RCAN2: variants seen among roughly 807,000 people sequenced by gnomAD.
RCAN2 encodes the protein calcipressin-2.
In RCAN2, 9 loss-of-function variants were observed where a neutral mutation model predicts 23.6. The observed-to-expected ratio is 0.38, with a 90% confidence interval of 0.23 to 0.67. The LOEUF (loss-of-function observed/expected upper bound fraction) is 0.67, where lower values mean the gene tolerates loss of function less well. RCAN2 is among the 30% of genes least tolerant of loss of function. The pLI, the probability that RCAN2 is intolerant of heterozygous loss-of-function variation, is 0.51. For missense variants in RCAN2, 273 were observed against 302.3 expected (o/e 0.90, Z 0.72); for synonymous variants, 109 against 115.7 (o/e 0.94, Z 0.37).
At chr6:46,485,179 G>GTT (rs1768964969) in intron 1 of RCAN2, among the ~76,000 whole-genome samples, 3 of 152,038 alleles carry the variant, frequency 2.0e-5, no homozygotes, top group African/African-American at 7.2e-5. Context: ...TAAATAATTG[G>GTT]GAACAATCTG....
At chr6:46,391,592 C>T (rs1167262854) in intron 2 of RCAN2, among the ~76,000 whole-genome samples, 2 of 152,156 alleles carry the variant, frequency 1.3e-5, no homozygotes, top group Non-Finnish European at 2.9e-5. Context: ...GGGGGCTACA[C>T]TTCAAATCTT....
At chr6:46,393,594 A>T (rs890865901) in intron 2 of RCAN2, among the ~76,000 whole-genome samples, 1 of 152,124 alleles carries the variant, frequency 6.6e-6, no homozygotes, top group Non-Finnish European at 1.5e-5. Flanking sequence ...TAATACTTGT[A>T]CCCTGCCCCC....
At chr6:46,429,622 AT>A (rs548332999) in intron 2 of RCAN2, among the ~76,000 whole-genome samples, 2 of 151,984 alleles carry the variant, frequency 1.3e-5, no homozygotes, top group East Asian at 1.9e-4. Flanking sequence ...TATTGTATTC[AT>A]TTTTTTTCAA....
intron 1 of RCAN2, among the ~76,000 whole-genome samples, chr6:46,473,443 AT>A (rs201971641): frequency 7.3e-5 from 11 of 151,348 alleles, no homozygotes; most frequent in East Asian, 3.9e-4. Flanking sequence ...TGTCTGTGCT[AT>A]TTTTTTTTGT....
intron 2 of RCAN2, among the ~76,000 whole-genome samples, chr6:46,303,367 G>T (rs180732943): frequency 5.4e-4 from 82 of 152,134 alleles, no homozygotes; most frequent in African/African-American, 1.9e-3. Flanking sequence ...TACTTCCCAG[G>T]ATTACGTGGC....
intron 2 of RCAN2, among the ~76,000 whole-genome samples, chr6:46,339,625 C>T (rs537182814): frequency 7.2e-5 from 11 of 152,104 alleles, no homozygotes; most frequent in African/African-American, 1.2e-4. Context: ...TTTAAATTTT[C>T]TTCCTAATAG....
chr6:46,400,273 A>G (rs532523520), intron 2 of RCAN2, among the ~76,000 whole-genome samples: 151 of 152,252 alleles, frequency 9.9e-4, no homozygotes, highest in African/African-American at 3.2e-3. Flanking sequence ...GCTTCCTAGA[A>G]AGCTCATTAC....
At chr6:46,274,688 C>G (rs746826014) in intron 2 of RCAN2, among the ~76,000 whole-genome samples, 9 of 152,166 alleles carry the variant, frequency 5.9e-5, no homozygotes, top group Non-Finnish European at 1.3e-4. Flanking sequence ...AATCCCTCTC[C>G]CATGTCCTAT....
At position 46,397,120 on chromosome 6, in the gene RCAN2, TA is replaced by T. The variant is rs377546056; in HGVS notation, c.225+59631del. ...GTGAGAAACTCTATTTCAAAAAAAA[TA>T]AAAAAGTAACCTAGAACATATGTCT... On this transcript the variant is annotated intron_variant, in intron 2 of 4. Transcript: ENST00000371374. 2.8e-3 allele frequency among the ~76,000 whole-genome samples: 425 copies of T among 152,142 alleles called. 3 individuals carry two copies. Among genetic ancestry groups the T allele is most frequent in the African/African-American group, 9.4e-3 (389 of 41,526 alleles).
At chr6:46,441,622 A>G (rs1561907416) in intron 2 of RCAN2, among the ~76,000 whole-genome samples, 1 of 152,328 alleles carries the variant, frequency 6.6e-6, no homozygotes, top group South Asian at 2.1e-4. Flanking sequence ...CTTAACTATC[A>G]TGTACCTGAT....
chr6:46,429,439 A>T (rs1175922853), intron 2 of RCAN2, among the ~76,000 whole-genome samples: 1 of 152,224 alleles, frequency 6.6e-6, no homozygotes, highest in Non-Finnish European at 1.5e-5. Context: ...AGGGTCAAAT[A>T]ACTCACAAAC....
At chr6:46,402,021 T>C (rs1347369768) in intron 2 of RCAN2, among the ~76,000 whole-genome samples, 1 of 151,794 alleles carries the variant, frequency 6.6e-6, no homozygotes, top group Non-Finnish European at 1.5e-5. Context: ...GAGTCTGAGA[T>C]GCATGTAGAA....
rs528797188 is a variant in RCAN2 at position 46,420,689 on chromosome 6, A to T, written c.225+36063T>A. 1.3e-4 allele frequency among the ~76,000 whole-genome samples: 20 copies of T among 151,844 alleles called. No homozygotes were observed. In the South Asian group the frequency reaches 4.2e-3, roughly 32 times the overall value. On this transcript the variant is annotated intron_variant, in intron 2 of 4. Transcript: ENST00000371374. Reference sequence around the variant, plus strand: ...CTCCCAAGTAGCTGGGATTACAGGTACCCACCATCAGGCCCGGCTACTTTT... The same window carrying T: ...CTCCCAAGTAGCTGGGATTACAGGTTCCCACCATCAGGCCCGGCTACTTTT...
chr6:46,286,575 A>T (rs147245038), intron 2 of RCAN2, among the ~76,000 whole-genome samples: 1 of 152,224 alleles, frequency 6.6e-6, no homozygotes, highest in Non-Finnish European at 1.5e-5. Flanking sequence ...AAGATGGACT[A>T]TCCAGGCTGG....
At chr6:46,413,456 C>T (rs1489284088) in intron 2 of RCAN2, among the ~76,000 whole-genome samples, 3 of 152,018 alleles carry the variant, frequency 2.0e-5, no homozygotes, top group Non-Finnish European at 2.9e-5. Flanking sequence ...CAGTTAAGTC[C>T]TCCTGATACT....
chr6:46,471,684 A>G lies in RCAN2; in HGVS notation c.-2-14706T>C, dbSNP rs138546722. 2.5e-3 allele frequency among the ~76,000 whole-genome samples: 388 copies of G among 152,308 alleles called. 2 individuals carry two copies. Among genetic ancestry groups the G allele is most frequent in the Non-Finnish European group, 4.3e-3 (292 of 68,034 alleles). On this transcript the variant is annotated intron_variant, in intron 1 of 4. Transcript: ENST00000371374. Reference sequence around the variant, plus strand: ...TTCAGGGGAGAGGGGAATAAAATAGATGACACTTATAGCCATGGGTCTGAA... The same window carrying G: ...TTCAGGGGAGAGGGGAATAAAATAGGTGACACTTATAGCCATGGGTCTGAA...
chr6:46,486,214 CT>C lies in RCAN2; in HGVS notation c.-3+4958del, dbSNP rs900588223. ...AACTCAGAGAACCGGCACTGAGTGG[CT>C]TATTCCCCCTGATCCTCAGGGTGTG... On this transcript the variant is annotated intron_variant, in intron 1 of 4. Transcript: ENST00000371374. 9.9e-5 allele frequency among the ~76,000 whole-genome samples: 15 copies of C among 152,284 alleles called. No individual in the cohort carries two copies. The East Asian group carries it at 2.7e-3, about 27-fold the overall frequency.
intron 2 of RCAN2, among the ~76,000 whole-genome samples, chr6:46,404,143 A>G (rs1446907329): frequency 6.6e-6 from 1 of 151,986 alleles, no homozygotes; most frequent in Non-Finnish European, 1.5e-5. Context: ...AATCGCTTGA[A>G]CCTGGGAGGC....
intron 2 of RCAN2, among the ~76,000 whole-genome samples, chr6:46,396,989 T>C (rs1327895099): frequency 1.3e-5 from 2 of 152,062 alleles, no homozygotes; most frequent in South Asian, 2.1e-4. Context: ...CATGCTCCTG[T>C]AATCCTAGCT....
Sources: gnomAD v4.1 joint callset for allele counts (sites outside exome capture counted in the v4.1 genomes callset) on GRCh38, gnomAD v4.1.1 for gene constraint, MANE v1.5 for transcripts, NCBI Gene and HGNC (gene_info 2026-07-23, HGNC 2026-07-21) for gene names.